GTF2IRD2B: variants seen among roughly 807,000 people sequenced by gnomAD.
GTF2IRD2B encodes GTF2I repeat domain containing 2B.
Under a neutral mutation model 55.6 loss-of-function variants are expected in GTF2IRD2B, and 10 were observed. The observed-to-expected ratio is 0.18, with a 90% CI of 0.11 to 0.31. GTF2IRD2B has a LOEUF of 0.31. Among genes scored for constraint, GTF2IRD2B ranks in the 10% least tolerant of loss-of-function variants. The pLI is 1.00. For synonymous variants in GTF2IRD2B, 107 were observed against 320.5 expected (o/e 0.33, Z 7.12); for missense variants, 206 against 802.7 (o/e 0.26, Z 8.98).
rs1554421588 is a variant in GTF2IRD2B at position 75,104,005 on chromosome 7, C to T, written c.-5-4955C>T. Among the ~76,000 whole-genome samples the T allele has an allele frequency of 1.4e-4, 21 of 149,884 alleles. No homozygotes were observed. The South Asian group carries it at 2.8e-3, about 20-fold the overall frequency. Reference sequence around the variant, plus strand: ...AGAGATCATGCCACTGGGTGCAGTGCGCAGAGATCATGCACTCCAGTCTGG... The same window carrying T: ...AGAGATCATGCCACTGGGTGCAGTGTGCAGAGATCATGCACTCCAGTCTGG... On this transcript the variant is annotated intron_variant, in intron 1 of 15. Coordinates refer to ENST00000472837, the MANE Select transcript of GTF2IRD2B (RefSeq NM_001003795.3).
chr7:75,136,529 GACCTCAAGTGATGCGCCC>G (rs1554453558), intron 10 of GTF2IRD2B, among the ~76,000 whole-genome samples: 1 of 120,952 alleles, frequency 8.3e-6, no homozygotes, highest in African/African-American at 3.8e-5. Context: ...TTCAACTCCT[GACCTCAAGTGATGCGCCC>G]ACCTCGGCCT....
chr7:75,148,369 C>T lies in GTF2IRD2B; in HGVS notation c.1922C>T (p.Thr641Met), dbSNP rs781961291. The T allele has an allele frequency of 3.1e-6, 5 of 1,611,880 alleles. No individual in the cohort carries two copies. Among genetic ancestry groups the T allele is most frequent in the South Asian group, 1.1e-5 (1 of 91,004 alleles). ...LVTKLKSRVA[T>M]FCKGAELKSI... ...ACAAAACTGAAGTCCAGGGTGGCGA[C>T]GTTCTGCAAGGGTGCGGAACTGAAG... The change falls in exon 16 of 16, where the codon ACG becomes ATG. Residue 641 changes from threonine (T) to methionine (M), a missense_variant. Physicochemically the swap from Thr to Met is moderately conservative, Grantham distance 81. Coordinates refer to ENST00000472837, the MANE Select transcript of GTF2IRD2B (RefSeq NM_001003795.3).
chr7:75,104,550 T>C (rs587685658), intron 1 of GTF2IRD2B, among the ~76,000 whole-genome samples: 1,242 of 149,144 alleles, frequency 8.3e-3, no homozygotes, highest in African/African-American at 0.021. Flanking sequence ...ACTTGCTAAG[T>C]TGTAAAATGA....
At chr7:75,104,038 A>G (rs1450693330) in intron 1 of GTF2IRD2B, among the ~76,000 whole-genome samples, 4 of 150,254 alleles carry the variant, frequency 2.7e-5, no homozygotes, top group Non-Finnish European at 5.9e-5. Context: ...TGGGCGACAG[A>G]GCGAGACTCC....
chr7:75,121,432 C>T (rs1483704193), intron 4 of GTF2IRD2B, among the ~76,000 whole-genome samples: 1 of 151,406 alleles, frequency 6.6e-6, no homozygotes, highest in Non-Finnish European at 1.5e-5. Context: ...TTTCAAAACC[C>T]ATATGCTTAT....
Position 75,149,557 on chromosome 7 carries a change from T to C in GTF2IRD2B, c.*260T>C. 1 of 436,198 alleles carries C rather than the reference T, an allele frequency of 2.3e-6. No individual in the cohort carries two copies. Among genetic ancestry groups the C allele is most frequent in the South Asian group, 2.1e-5 (1 of 48,014 alleles). 27.0% of individuals were successfully genotyped at this position (436,198 alleles called of 1,614,324 possible). On this transcript the variant is annotated 3_prime_UTR_variant, in exon 16 of 16. Coordinates refer to ENST00000472837, the MANE Select transcript of GTF2IRD2B (RefSeq NM_001003795.3). The stretch of plus-strand genomic sequence containing the variant: ...CACCATGCCCGGCTAATTTTTGTAT[T>C]AGTAGAGATGAGGTTTCACCATGTT...
intron 8 of GTF2IRD2B, among the ~76,000 whole-genome samples, chr7:75,132,548 CT>C (rs1159887977): frequency 8.8e-4 from 75 of 85,256 alleles, no homozygotes; most frequent in African/African-American, 3.5e-3. Flanking sequence ...CTCCTTCCTT[CT>C]TTTTTTTTTT....
intron 11 of GTF2IRD2B, among the ~76,000 whole-genome samples, chr7:75,138,650 G>A (rs1387083949): frequency 8.4e-6 from 1 of 119,598 alleles, no homozygotes; most frequent in Non-Finnish European, 1.7e-5. Context: ...CTGGGTGATA[G>A]ACTCAGTCTC....
intron 2 of GTF2IRD2B, among the ~76,000 whole-genome samples, chr7:75,110,611 C>A (rs587691133): frequency 1.4e-3 from 72 of 49,836 alleles, no homozygotes; most frequent in African/African-American, 2.4e-3. Flanking sequence ...AGCACAAGAC[C>A]CTGACTCTTA....
intron 1 of GTF2IRD2B, among the ~76,000 whole-genome samples, chr7:75,104,367 C>T (rs1554421495): frequency 2.2e-4 from 34 of 152,358 alleles, no homozygotes; most frequent in African/African-American, 7.5e-4. Flanking sequence ...GATCCGCTCG[C>T]CTCAGCCTCC....
intron 3 of GTF2IRD2B, among the ~76,000 whole-genome samples, chr7:75,116,347 T>C: frequency 6.7e-6 from 1 of 149,810 alleles, no homozygotes; most frequent in Non-Finnish European, 1.5e-5. Context: ...AATGGAATTG[T>C]TTTATTTCCT....
Position 75,149,364 on chromosome 7 carries a change from G to A in GTF2IRD2B, c.*67G>A, listed in dbSNP as rs1809260846. 1.3e-6 allele frequency: 1 copy of A among 772,456 alleles called. No individual in the cohort carries two copies. Among genetic ancestry groups the A allele is most frequent in the Non-Finnish European group, 2.4e-6 (1 of 416,452 alleles). The allele number at this position is 772,456 out of a possible 1,614,324, so 47.9% of individuals were successfully genotyped here. On this transcript the variant is annotated 3_prime_UTR_variant, in exon 16 of 16. Transcript: ENST00000472837. ...TGGAGTCTTCTAGTCCCAAGGGATT[G>A]GGAGATGACAAAATGAATTTTTTTT...
At chr7:75,119,988 G>A (rs1455734385) in intron 3 of GTF2IRD2B, among the ~76,000 whole-genome samples, 1 of 129,864 alleles carries the variant, frequency 7.7e-6, no homozygotes, top group East Asian at 2.0e-4. Context: ...ACTTAGCCGG[G>A]CGTGGTGGCA....
At chr7:75,127,491 A>AG (rs1316384845) in intron 8 of GTF2IRD2B, among the ~76,000 whole-genome samples, 49 of 144,602 alleles carry the variant, frequency 3.4e-4, no homozygotes, top group African/African-American at 1.1e-3. Context: ...AAAAAAAAAA[A>AG]AGAGAGAGAG....
chr7:75,140,538 TTTTTTTTTTTTTG>T (rs1808981684), intron 12 of GTF2IRD2B, among the ~76,000 whole-genome samples: 1 of 34,150 alleles, frequency 2.9e-5, no homozygotes, highest in Non-Finnish European at 1.2e-4. Flanking sequence ...TTTTTTTTTT[TTTTTTTTTTTTTG>T]AGACGGAGTC....
intron 6 of GTF2IRD2B, among the ~76,000 whole-genome samples, chr7:75,124,086 G>A (rs1196185640): frequency 6.6e-6 from 1 of 150,938 alleles, no homozygotes; most frequent in Non-Finnish European, 1.5e-5. Flanking sequence ...AAAAAAAATT[G>A]GCCGGACGCA....
In GTF2IRD2B at chr7:75,149,453, T is replaced by G. The variant is rs1405821960; in HGVS notation, c.*156T>G. 1.7e-6 allele frequency: 1 copy of G among 601,720 alleles called. No homozygotes were observed. The highest frequency in any genetic ancestry group is 2.8e-5 in the East Asian group (1 of 36,016). The allele number at this position is 601,720 out of a possible 1,614,324, so 37.3% of individuals were successfully genotyped here. Reference sequence around the variant, plus strand: ...TGGAGTGCAGTGGCGTGATCTCGGCTTACTGCAACTTCCAGCTCCTGGGTT... The same window carrying G: ...TGGAGTGCAGTGGCGTGATCTCGGCGTACTGCAACTTCCAGCTCCTGGGTT... On this transcript the variant is annotated 3_prime_UTR_variant, in exon 16 of 16. Transcript: ENST00000472837.
At chr7:75,135,997 C>T (rs1808823308) in intron 10 of GTF2IRD2B, among the ~76,000 whole-genome samples, 1 of 52,646 alleles carries the variant, frequency 1.9e-5, no homozygotes, top group Non-Finnish European at 3.3e-5. Flanking sequence ...AAAAATTAGC[C>T]AGGCGTGGTG....
rs1554532774 is a variant in GTF2IRD2B at position 75,148,279 on chromosome 7, C to T, written c.1832C>T (p.Ser611Leu). Residue 611 changes from serine (S) to leucine (L), a missense_variant, in exon 16 of 16, where the codon TCG (serine) becomes TTG (leucine). Coordinates refer to ENST00000472837, the MANE Select transcript of GTF2IRD2B (RefSeq NM_001003795.3). ...CTGAAAAAGTTCTGTATCAACTGGT[C>T]GAGATTAGTAAGCGTGGCCTCCACT... ...KSLKKFCINW[S>L]RLVSVASTGT... 1 of 1,613,604 alleles carries T rather than the reference C, an allele frequency of 6.2e-7. No individual in the cohort carries two copies. The highest frequency in any genetic ancestry group is 1.3e-5 in the African/African-American group (1 of 74,884).
Sources: gnomAD v4.1 joint callset for allele counts (sites outside exome capture counted in the v4.1 genomes callset) on GRCh38, gnomAD v4.1.1 for gene constraint, MANE v1.5 for transcripts, NCBI Gene and HGNC (gene_info 2026-07-23, HGNC 2026-07-21) for gene names.